Variants in PCDH15 observed in about 807,000 individuals in gnomAD.
PCDH15 encodes the protein protocadherin-15.
Under a neutral mutation model 178.5 loss-of-function variants are expected in PCDH15, and 129 were observed. That is an observed-to-expected ratio of 0.72 (90% CI 0.63 to 0.84). The LOEUF (loss-of-function observed/expected upper bound fraction) is 0.84. Among genes scored for constraint, PCDH15 ranks in the 40% least tolerant of loss-of-function variants. The pLI is 0.00. For synonymous variants in PCDH15, 800 were observed against 732.0 expected (o/e 1.09, Z -1.50); for missense variants, 2,230 against 2,099.9 (o/e 1.06, Z -1.21).
At chr10:54,371,658 A>T (rs1472213132) in intron 4 of PCDH15, among the ~76,000 whole-genome samples, 1 of 151,850 alleles carries the variant, frequency 6.6e-6, no homozygotes, top group African/African-American at 2.4e-5. Context: ...CTATCAAAGT[A>T]TCTCATGTAA....
At chr10:54,510,813 A>C (rs2081580866) in intron 3 of PCDH15, among the ~76,000 whole-genome samples, 1 of 152,188 alleles carries the variant, frequency 6.6e-6, no homozygotes, top group Non-Finnish European at 1.5e-5. Flanking sequence ...GATTAACCAA[A>C]GTTTCCCTTT....
At chr10:55,139,624 T>C (rs547365356) in intron 2 of PCDH15, among the ~76,000 whole-genome samples, 5 of 152,186 alleles carry the variant, frequency 3.3e-5, no homozygotes, top group Admixed American at 3.3e-4. Context: ...TATTTTTATG[T>C]TTTTCATTCT....
chr10:54,548,901 T>C (rs1362647907), intron 2 of PCDH15, among the ~76,000 whole-genome samples: 2 of 151,272 alleles, frequency 1.3e-5, no homozygotes, highest in Non-Finnish European at 3.0e-5. Flanking sequence ...TGCTAGAATT[T>C]AGGTTTTCTA....
At chr10:54,339,577 A>G (rs1359860550) in intron 6 of PCDH15, among the ~76,000 whole-genome samples, 1 of 152,234 alleles carries the variant, frequency 6.6e-6, no homozygotes, top group Admixed American at 6.5e-5. Context: ...CAAAAGAAAG[A>G]AGAATGCTTC....
At chr10:55,289,732 T>A (rs1020791460) in intron 1 of PCDH15, among the ~76,000 whole-genome samples, 24 of 152,182 alleles carry the variant, frequency 1.6e-4, no homozygotes, top group Admixed American at 7.9e-4. Flanking sequence ...CCCCAACAGT[T>A]CATGTGTTGG....
intron 2 of PCDH15, among the ~76,000 whole-genome samples, chr10:55,030,536 A>G (rs1356924362): frequency 6.6e-6 from 1 of 152,206 alleles, no homozygotes; most frequent in Non-Finnish European, 1.5e-5. Context: ...ACTAGGAAAG[A>G]CAGAAAAACA....
chr10:55,339,675 C>T (rs1403897087), intron 2 of PCDH15, among the ~76,000 whole-genome samples: 1 of 152,004 alleles, frequency 6.6e-6, no homozygotes, highest in African/African-American at 2.4e-5. Flanking sequence ...TGTTTTGAAG[C>T]CATCTTACAG....
intron 15 of PCDH15, among the ~76,000 whole-genome samples, chr10:54,106,661 A>C (rs1399812130): frequency 6.6e-6 from 1 of 152,366 alleles, no homozygotes; most frequent in East Asian, 1.9e-4. Context: ...TTAGACAATT[A>C]GGTTCGTACA....
At chr10:55,020,972 T>C (rs1404244114) in intron 2 of PCDH15, among the ~76,000 whole-genome samples, 2 of 152,176 alleles carry the variant, frequency 1.3e-5, no homozygotes, top group Admixed American at 1.3e-4. Context: ...CATAAATGAC[T>C]ATTGCCCCCT....
At chr10:54,988,002 C>G (rs550207640) in intron 2 of PCDH15, among the ~76,000 whole-genome samples, 2 of 152,062 alleles carry the variant, frequency 1.3e-5, no homozygotes, top group Non-Finnish European at 2.9e-5. Context: ...TGGGGTTTTA[C>G]ATTACAATTT....
At chr10:55,405,621 T>C (rs1838180948) in intron 2 of PCDH15, among the ~76,000 whole-genome samples, 1 of 151,826 alleles carries the variant, frequency 6.6e-6, no homozygotes, top group African/African-American at 2.4e-5. Context: ...ATTAGAATGA[T>C]ATGCACTTCA....
chr10:55,042,662 TA>T (rs979194142), intron 2 of PCDH15, among the ~76,000 whole-genome samples: 34 of 151,990 alleles, frequency 2.2e-4, no homozygotes, highest in African/African-American at 8.0e-4. Context: ...GGGATATATA[TA>T]TTTTTTAAAT....
Position 54,747,806 on chromosome 10 carries a change from A to ATTTTTTTTTT in PCDH15, c.-29+53109_-29+53118dup, listed in dbSNP as rs10628733. Among the ~76,000 whole-genome samples, 1,201 of 135,432 alleles carry ATTTTTTTTTT rather than the reference A, an allele frequency of 8.9e-3. 26 individuals are homozygous for ATTTTTTTTTT. The highest frequency in any genetic ancestry group is 0.035 in the East Asian group (158 of 4,492). The allele number at this position is 135,432 out of a possible 152,430, so 88.8% of individuals were successfully genotyped here. A position where few individuals can be genotyped will look rare whatever the true frequency, so the allele number is the denominator to read the frequency against. The stretch of plus-strand genomic sequence containing the variant: ...AAAAATAAAATCACTCAATGGTTAC[A>ATTTTTTTTTT]TTTTTTTTTTTTTTTTTGAGACGGA... On this transcript the variant is annotated intron_variant, in intron 1 of 37. Transcript: ENST00000644397.
At chr10:54,084,129 A>C (rs904438411) in intron 16 of PCDH15, among the ~76,000 whole-genome samples, 9 of 150,646 alleles carry the variant, frequency 6.0e-5, no homozygotes, top group African/African-American at 2.2e-4. Flanking sequence ...TCTGTTGCCC[A>C]GGCTAGAGAG....
At chr10:55,157,168 A>T (rs944871032) in intron 2 of PCDH15, among the ~76,000 whole-genome samples, 2 of 152,166 alleles carry the variant, frequency 1.3e-5, no homozygotes, top group Non-Finnish European at 2.9e-5. Context: ...AAACATATTA[A>T]GAAGACATTT....
intron 2 of PCDH15, among the ~76,000 whole-genome samples, chr10:54,952,957 T>C (rs1001873064): frequency 6.6e-6 from 1 of 151,666 alleles, no homozygotes; most frequent in African/African-American, 2.4e-5. Flanking sequence ...AGTTTTATTC[T>C]TTTCTTCCCA....
intron 14 of PCDH15, among the ~76,000 whole-genome samples, chr10:54,146,995 A>ATATATAGTGTATATATATATAATGTG (rs2044035168): frequency 7.1e-6 from 1 of 141,586 alleles, no homozygotes; most frequent in African/African-American, 2.7e-5. Context: ...TATATAATGT[A>ATATATAGTGTATATATATATAATGTG]TATATATAGT....
intron 2 of PCDH15, among the ~76,000 whole-genome samples, chr10:54,548,100 CA>C (rs374163458): frequency 0.025 from 2,126 of 83,418 alleles, 42 homozygotes; most frequent in African/African-American, 0.093. Flanking sequence ...GACTCTGTCT[CA>C]AAAAAAAAAA....
chr10:55,005,661 G>A (rs12217457), intron 2 of PCDH15, among the ~76,000 whole-genome samples: 69,954 of 151,726 alleles, frequency 0.46, 17,983 homozygotes, highest in East Asian at 0.75. Flanking sequence ...TCTTCTGTAA[G>A]TTCATTTATT....
Sources: allele counts gnomAD v4.1 joint callset (sites outside exome capture counted in the v4.1 genomes callset), GRCh38; gene constraint gnomAD v4.1.1; transcripts MANE v1.5; gene names NCBI Gene and HGNC (gene_info 2026-07-23, HGNC 2026-07-21).